METTL2A: variants seen among roughly 807,000 people sequenced by gnomAD.
METTL2A encodes methyltransferase 2A, tRNA N3-cytidine.
Under a neutral mutation model 49.4 loss-of-function variants are expected in METTL2A, and 45 were observed. The observed-to-expected ratio is 0.91, with a 90% confidence interval of 0.72 to 1.17. METTL2A has a LOEUF of 1.17. Ranked by LOEUF, METTL2A falls within the 50% of genes most tolerant of loss-of-function variation. The probability of loss-of-function intolerance (pLI) is 0.00; values close to 1 mark genes in which losing one functional copy is unlikely to be tolerated. For missense variants in METTL2A, 361 were observed against 462.2 expected (o/e 0.78, Z 2.01); for synonymous variants, 118 against 167.5 (o/e 0.70, Z 2.28).
At position 62,444,846 on chromosome 17, in the gene METTL2A, G is replaced by A. The variant is rs202223434; in HGVS notation, c.819G>A (p.Lys273=). 2 of 1,613,896 alleles carry A rather than the reference G, an allele frequency of 1.2e-6. No homozygotes were observed. Among genetic ancestry groups the A allele is most frequent in the East Asian group, 4.5e-5 (2 of 44,868 alleles). ...CCCTGCTGCTCCACAGGATGCAGAA[G>A]GCTATCAACAGGCTGAGCAGGCTTC... ...LSAIVPDKMQ[K]AINRLSRLLK... The change falls in exon 7 of 9, where the codon AAG becomes AAA. Residue 273 remains lysine, a synonymous_variant. Transcript: ENST00000311506.
chr17:62,439,051 T>C (rs542336146), intron 5 of METTL2A, among the ~76,000 whole-genome samples: 3 of 148,610 alleles, frequency 2.0e-5, no homozygotes, highest in East Asian at 2.0e-4. Context: ...TGATCTTGGC[T>C]CACTGCAACC....
rs988392230 is a variant in METTL2A at position 62,450,364 on chromosome 17, C to T, written c.*1635C>T. ...TATCACCTCAAACTTCTGGCTCAAG[C>T]CATCCCTCCGCCTCAGCCTCCTGAG... On this transcript the variant is annotated 3_prime_UTR_variant, in exon 9 of 9. Transcript: ENST00000311506. The T allele has an allele frequency of 6.7e-6, 1 of 149,944 alleles. No individual in the cohort carries two copies. Among genetic ancestry groups the T allele is most frequent in the African/African-American group, 2.5e-5 (1 of 40,400 alleles). The allele number at this position is 149,944 out of a possible 1,614,324, so 9.3% of individuals were successfully genotyped here.
chr17:62,444,323 A>G (rs1219678664), intron 6 of METTL2A, among the ~76,000 whole-genome samples: 1 of 152,224 alleles, frequency 6.6e-6, no homozygotes, highest in Non-Finnish European at 1.5e-5. Context: ...TCTGCGGCCC[A>G]GGCCGGAGGG....
chr17:62,436,298 A>G (rs879802014), intron 5 of METTL2A, among the ~76,000 whole-genome samples: 1 of 151,698 alleles, frequency 6.6e-6, no homozygotes, highest in Admixed American at 6.6e-5. Context: ...TGTCATCCCA[A>G]CACTTTGGGA....
At chr17:62,424,508 G>A (rs1455019930) in intron 2 of METTL2A, among the ~76,000 whole-genome samples, 198 bp downstream of exon 2, 1 of 152,068 alleles carries the variant, frequency 6.6e-6, no homozygotes, top group African/African-American at 2.4e-5. Flanking sequence ...AGTCGTAGAG[G>A]GTTTTTTTAT....
chr17:62,429,379 C>T (rs1478011835), intron 4 of METTL2A, among the ~76,000 whole-genome samples: 1 of 152,124 alleles, frequency 6.6e-6, no homozygotes, highest in Non-Finnish European at 1.5e-5. Context: ...CAACCTCCGC[C>T]TTCCGGGTTC....
chr17:62,426,652 G>T lies in METTL2A; in HGVS notation c.556G>T (p.Glu186Ter), dbSNP rs1207805713. 2 of 1,250,262 alleles carry T rather than the reference G, an allele frequency of 1.6e-6. No homozygotes were observed. The highest frequency in any genetic ancestry group is 2.3e-6 in the Non-Finnish European group (2 of 874,754). 77.4% of individuals were successfully genotyped at this position (1,250,262 alleles called of 1,614,324 possible). A position where few individuals can be genotyped will look rare whatever the true frequency, so the allele number is the denominator to read the frequency against. The change falls in exon 3 of 9, where the codon GAG becomes TAG. Residue 186 changes from glutamate to a stop codon, truncating the protein, a stop_gained and splice_region_variant. Coordinates refer to ENST00000311506, the MANE Select transcript of METTL2A (RefSeq NM_181725.4). LOFTEE classifies it high-confidence loss of function. ...PGSSATYRIL[E>*]VGCGVGNTVF... ...ATCCTCAGCCACCTACCGAATACTG[G>T]AGGTAACCTTTTATTGTCTTGGTAG... is the stretch of plus-strand genomic sequence containing the variant.
Position 62,451,340 on chromosome 17 carries a change from G to C in METTL2A, c.*2611G>C, listed in dbSNP as rs1055786288. 2.6e-4 allele frequency among the ~76,000 whole-genome samples: 39 copies of C among 151,428 alleles called. No individual in the cohort carries two copies. The highest frequency in any genetic ancestry group is 9.2e-4 in the African/African-American group (38 of 41,432). Reference sequence around the variant, plus strand: ...TTTTTGTATTTTTAGTAGAGACAGAGTTTCTCCATGTTGGTCAGGCTGATC... The same window carrying C: ...TTTTTGTATTTTTAGTAGAGACAGACTTTCTCCATGTTGGTCAGGCTGATC... On this transcript the variant is annotated 3_prime_UTR_variant, in exon 9 of 9. Transcript: ENST00000311506.
chr17:62,424,986 A>G (rs1477803474), intron 2 of METTL2A, among the ~76,000 whole-genome samples: 1 of 150,470 alleles, frequency 6.6e-6, no homozygotes, highest in East Asian at 1.9e-4. Flanking sequence ...TCCAGTTACA[A>G]AACATTCACC....
chr17:62,444,490 G>A (rs1477053859), intron 6 of METTL2A, among the ~76,000 whole-genome samples: 2 of 152,174 alleles, frequency 1.3e-5, no homozygotes, highest in African/African-American at 2.4e-5. Context: ...ATTTTGGCCA[G>A]GCTGGTCTCA....
Position 62,448,784 on chromosome 17 carries a change from A to AT in METTL2A, c.*55_*56insT, listed in dbSNP as rs141169117. The AT allele has an allele frequency of 4.2e-3, 6,757 of 1,602,452 alleles. 228 individuals carry two copies. The African/African-American group carries it at 0.075, about 18-fold the overall frequency. ...CCATTGTGTTTCCGGGCTTTTTTAA[A>AT]AAAAAAATTGTAGCACTGGGCGTGG... On this transcript the variant is annotated 3_prime_UTR_variant, in exon 9 of 9. Transcript: ENST00000311506.
chr17:62,445,412 T>A (rs1173083725), intron 7 of METTL2A, among the ~76,000 whole-genome samples: 1 of 152,136 alleles, frequency 6.6e-6, no homozygotes, highest in Non-Finnish European at 1.5e-5. Flanking sequence ...GAGTAGTATA[T>A]TTTTTAAGAA....
Position 62,444,906 on chromosome 17 carries a change from C to T in METTL2A, c.879C>T (p.Tyr293=), listed in dbSNP as rs747760822. ...KPGGMMLLRD[Y]GRYDMAQLRF... ...GCGGGATGATGCTTCTGCGAGATTA[C>T]GGCCGCTATGACATGGCTCAGCTTC... Residue 293 remains tyrosine, a synonymous_variant, in exon 7 of 9, where the codon TAC becomes TAT. Transcript: ENST00000311506. 73 of 1,613,726 alleles carry T rather than the reference C, an allele frequency of 4.5e-5. 1 individual carries two copies. The highest frequency in any genetic ancestry group is 4.4e-4 in the South Asian group (40 of 91,084).
At position 62,445,686 on chromosome 17, in the gene METTL2A, A is replaced by G. The variant is rs1416446598; in HGVS notation, c.916+743A>G. The stretch of plus-strand genomic sequence containing the variant: ...GTGGCGCATGCCTGTAATCCCAGCT[A>G]CTCGGGAGGCTGAGGCAGGAGAATC... On this transcript the variant is annotated intron_variant, in intron 7 of 8. Coordinates refer to ENST00000311506, the MANE Select transcript of METTL2A (RefSeq NM_181725.4). Among the ~76,000 whole-genome samples, 3 of 152,116 alleles carry G rather than the reference A, an allele frequency of 2.0e-5. No individual in the cohort carries two copies. The East Asian group carries it at 5.8e-4, about 29-fold the overall frequency.
intron 2 of METTL2A, among the ~76,000 whole-genome samples, chr17:62,425,388 A>AATTTTTTTT (rs2070616606): frequency 5.6e-5 from 1 of 17,850 alleles, no homozygotes; most frequent in Non-Finnish European, 1.6e-4. Flanking sequence ...AACTGTCCAT[A>AATTTTTTTT]CTTTTTTTTT....
At chr17:62,430,845 A>T (rs2070659801) in intron 4 of METTL2A, among the ~76,000 whole-genome samples, 1 of 151,370 alleles carries the variant, frequency 6.6e-6, no homozygotes, top group Non-Finnish European at 1.5e-5. Context: ...CGCCCAGCTA[A>T]TTTTTGTATT....
At chr17:62,440,867 A>G in intron 6 of METTL2A, 111 bp downstream of exon 6, 1 of 1,371,754 alleles carries the variant, frequency 7.3e-7, no homozygotes, top group Non-Finnish European at 1.0e-6. Context: ...GTGCAGTGGC[A>G]CGATCATGGC....
intron 2 of METTL2A, among the ~76,000 whole-genome samples, chr17:62,425,641 T>C (rs1313373011): frequency 6.8e-6 from 1 of 146,032 alleles, no homozygotes; most frequent in South Asian, 2.2e-4. Flanking sequence ...CACCTCAGCC[T>C]CCCAAAGTGC....
At chr17:62,432,307 A>T (rs1421573800) in intron 4 of METTL2A, among the ~76,000 whole-genome samples, 1 of 152,216 alleles carries the variant, frequency 6.6e-6, no homozygotes, top group African/African-American at 2.4e-5. Flanking sequence ...TGATTTTAAA[A>T]ATAATACTCT....
Sources: gnomAD v4.1 joint callset for allele counts (sites outside exome capture counted in the v4.1 genomes callset) on GRCh38, gnomAD v4.1.1 for gene constraint, MANE v1.5 for transcripts, NCBI Gene and HGNC (gene_info 2026-07-23, HGNC 2026-07-21) for gene names.